Variants in FRMPD4 observed in about 807,000 individuals in gnomAD.
The protein encoded by FRMPD4 is FERM and PDZ domain-containing protein 4.
In FRMPD4, 22 loss-of-function variants were observed where a neutral mutation model predicts 94.1. The ratio of observed to expected loss-of-function variants is 0.23; its 90% CI spans 0.17 to 0.33. The LOEUF is 0.33. FRMPD4 is among the 10% of genes least tolerant of loss of function. FRMPD4 has a pLI of 1.00. For missense variants in FRMPD4, 1,111 were observed against 1,339.9 expected, an observed-to-expected ratio of 0.83 and a Z score of 2.67; for synonymous variants, 631 against 548.6, an observed-to-expected ratio of 1.15 and a Z score of -2.10.
At chrX:12,292,774 G>GGA (rs2054709313) in intron 1 of FRMPD4, among the ~76,000 whole-genome samples, 1 of 111,141 alleles carries the variant, frequency 9.0e-6, no homozygotes, top group Non-Finnish European at 1.9e-5. Flanking sequence ...TGGTTGTGAA[G>GGA]TCTCTTGACA....
At chrX:12,098,136 A>C (rs1370983721) in intron 3 of FRMPD4, among the ~76,000 whole-genome samples, 1 of 112,032 alleles carries the variant, frequency 8.9e-6, no homozygotes, top group African/African-American at 3.2e-5. Flanking sequence ...CATTTGTTTG[A>C]GGACTGGTTA....
chrX:12,633,117 C>T (rs753861266), intron 4 of FRMPD4, among the ~76,000 whole-genome samples: 45 of 111,856 alleles, frequency 4.0e-4, no homozygotes, highest in Non-Finnish European at 5.8e-4. Context: ...GGATTCTATA[C>T]TAGTGAGCTC....
rs1356772798 is a variant in FRMPD4 at position 12,716,492 on chromosome X, G to A, written c.2033G>A (p.Gly678Asp). 1 of 1,207,850 alleles carries A rather than the reference G, an allele frequency of 8.3e-7. No individual in the cohort carries two copies. The highest frequency in any genetic ancestry group is 1.8e-5 in the African/African-American group (1 of 56,736). The stretch of plus-strand genomic sequence containing the variant: ...GGCTATGAAACGCTACTAGATGAGG[G>A]TCCTGAAATGCTGGAGAAGCAGAGA... Reference protein sequence around the residue: ...TLGYETLLDEGPEMLEKQRNL... With the variant: ...TLGYETLLDEDPEMLEKQRNL... Residue 678 changes from glycine (G) to aspartate (D), a missense_variant, in exon 15 of 17, where the codon GGT (glycine) becomes GAT (aspartate). Physicochemically the swap from Gly to Asp is moderately conservative, Grantham distance 94. Coordinates refer to ENST00000675598, the MANE Select transcript of FRMPD4 (RefSeq NM_001368397.1).
At chrX:12,708,580 G>A (rs1236565782) in intron 13 of FRMPD4, among the ~76,000 whole-genome samples, 4 of 111,382 alleles carry the variant, frequency 3.6e-5, no homozygotes, top group Non-Finnish European at 7.5e-5. Context: ...TCTTTTCCCA[G>A]TAGAGATGAG....
intron 1 of FRMPD4, among the ~76,000 whole-genome samples, chrX:12,200,886 T>A (rs2056623678): frequency 8.9e-6 from 1 of 112,425 alleles, no homozygotes; most frequent in Non-Finnish European, 1.9e-5. Flanking sequence ...TTAAATGAAT[T>A]TACAAATGAT....
At chrX:12,049,360 C>T (rs948063808) in intron 3 of FRMPD4, among the ~76,000 whole-genome samples, 1 of 111,672 alleles carries the variant, frequency 9.0e-6, no homozygotes, top group Non-Finnish European at 1.9e-5. Flanking sequence ...TTACTGAAGT[C>T]GTTTATCAGT....
chrX:12,383,634 G>A (rs1243355362), intron 1 of FRMPD4, among the ~76,000 whole-genome samples: 2 of 111,446 alleles, frequency 1.8e-5, no homozygotes, highest in Admixed American at 9.6e-5. Flanking sequence ...TCAGCACGAC[G>A]CCTAGCATAT....
chrX:12,350,250 T>G (rs1237001568), intron 1 of FRMPD4, among the ~76,000 whole-genome samples: 2 of 112,241 alleles, frequency 1.8e-5, no homozygotes, highest in Non-Finnish European at 3.8e-5. Context: ...CCTTATTCCC[T>G]TTATCCTGTA....
intron 1 of FRMPD4, among the ~76,000 whole-genome samples, chrX:12,165,959 A>G (rs373095961): frequency 5.0e-4 from 56 of 111,550 alleles, no homozygotes; most frequent in South Asian, 3.8e-4. Flanking sequence ...GGCTGAGACA[A>G]TGGGGTTTTC....
intron 3 of FRMPD4, among the ~76,000 whole-genome samples, chrX:12,078,175 C>T (rs1601922241): frequency 8.9e-6 from 1 of 112,352 alleles, no homozygotes; most frequent in East Asian, 2.8e-4. Flanking sequence ...ATGATTCCCA[C>T]GGTTTCAAGA....
chrX:12,326,801 C>T (rs981180513), intron 1 of FRMPD4, among the ~76,000 whole-genome samples: 1 of 110,557 alleles, frequency 9.0e-6, no homozygotes, highest in Non-Finnish European at 1.9e-5. Flanking sequence ...CTCATCTCTA[C>T]AAAAAAATTA....
At chrX:12,107,780 A>C (rs1240621967) in intron 3 of FRMPD4, among the ~76,000 whole-genome samples, 1 of 112,129 alleles carries the variant, frequency 8.9e-6, no homozygotes, top group Non-Finnish European at 1.9e-5. Context: ...CGAATGCACA[A>C]GCTTCAGTAG....
intron 1 of FRMPD4, among the ~76,000 whole-genome samples, chrX:12,349,815 T>C (rs991764108): frequency 9.0e-6 from 1 of 111,489 alleles, no homozygotes; most frequent in African/African-American, 3.3e-5. Flanking sequence ...GTGGGAGACA[T>C]TTAGGGATGT....
At position 12,100,583 on chromosome X, in the gene FRMPD4, G is replaced by A. The variant is rs758943350; in HGVS notation, c.95+222565G>A. Among the ~76,000 whole-genome samples the A allele has an allele frequency of 7.2e-5, 8 of 111,284 alleles. No homozygotes were observed. The South Asian group carries it at 3.0e-3, about 42-fold the overall frequency. Reference sequence around the variant, plus strand: ...TGAAACAGGTGAATAAACCTCAAAGGCCAGAGCACAGATTGATTTAAAATA... The same window carrying A: ...TGAAACAGGTGAATAAACCTCAAAGACCAGAGCACAGATTGATTTAAAATA... On this transcript the variant is annotated intron_variant, in intron 3 of 18. Coordinates refer to the FRMPD4 transcript ENST00000640291.
chrX:12,567,572 G>A (rs1026412682), intron 2 of FRMPD4, among the ~76,000 whole-genome samples: 2 of 112,368 alleles, frequency 1.8e-5, no homozygotes, highest in African/African-American at 6.5e-5. Context: ...CTGAACCAGA[G>A]AAATGAGCAG....
At chrX:12,134,020 G>A (rs941275068), upstream of FRMPD4, among the ~76,000 whole-genome samples, 4 of 111,873 alleles carry the variant, frequency 3.6e-5, no homozygotes, top group Non-Finnish European at 7.5e-5. Flanking sequence ...GGCTGCCTTC[G>A]GATTCTTCAA....
intron 1 of FRMPD4, among the ~76,000 whole-genome samples, chrX:11,850,351 G>A (rs1197349821): frequency 2.7e-5 from 3 of 112,600 alleles, no homozygotes; most frequent in Non-Finnish European, 5.6e-5. Flanking sequence ...CTGTTAGTGG[G>A]AATGTAAAAT....
chrX:11,926,677 T>C (rs1478005992), intron 3 of FRMPD4, among the ~76,000 whole-genome samples: 5 of 111,746 alleles, frequency 4.5e-5, no homozygotes, highest in Non-Finnish European at 9.4e-5. Context: ...TCTCAATACA[T>C]GCATAAAAGT....
chrX:11,826,401 G>A, intron 1 of FRMPD4, among the ~76,000 whole-genome samples: 1 of 111,519 alleles, frequency 9.0e-6, no homozygotes, highest in Non-Finnish European at 1.9e-5. Context: ...CTCTGCAAAT[G>A]AGCTCATTCG....
Sources: allele counts gnomAD v4.1 joint callset (sites outside exome capture counted in the v4.1 genomes callset), GRCh38; gene constraint gnomAD v4.1.1; transcripts MANE v1.5; gene names NCBI Gene and HGNC (gene_info 2026-07-23, HGNC 2026-07-21).